The following CACNG2 variants were observed in gnomAD, a reference collection of about 807,000 sequenced individuals.
The protein encoded by CACNG2 is voltage-dependent calcium channel gamma-2 subunit.
In CACNG2, 3 loss-of-function variants were observed where a neutral mutation model predicts 25.9. The ratio of observed to expected loss-of-function variants is 0.12; its 90% CI spans 0.05 to 0.30. The LOEUF (loss-of-function observed/expected upper bound fraction) is 0.30, where lower values mean the gene tolerates loss of function less well. Among genes scored for constraint, CACNG2 ranks in the 10% least tolerant of loss-of-function variants. The pLI is 1.00. For missense variants in CACNG2, 341 were observed against 432.5 expected, an observed-to-expected ratio of 0.79 and a Z score of 1.88; for synonymous variants, 167 against 173.3, an observed-to-expected ratio of 0.96 and a Z score of 0.29.
At chr22:36,630,071 G>T (rs1311215148) in intron 1 of CACNG2, among the ~76,000 whole-genome samples, 1 of 152,144 alleles carries the variant, frequency 6.6e-6, no homozygotes, top group Non-Finnish European at 1.5e-5. Flanking sequence ...GCTTGGTGTC[G>T]ACGAGGACCA....
intron 1 of CACNG2, among the ~76,000 whole-genome samples, chr22:36,612,739 C>G (rs1935963183): frequency 6.6e-6 from 1 of 152,206 alleles, no homozygotes; most frequent in Non-Finnish European, 1.5e-5. Context: ...AACATACCCC[C>G]TCCACCACCT....
At chr22:36,567,768 C>T (rs1935151909) in intron 2 of CACNG2, among the ~76,000 whole-genome samples, 1 of 152,068 alleles carries the variant, frequency 6.6e-6, no homozygotes, top group African/African-American at 2.4e-5. Context: ...GACCTCAGGA[C>T]CCAGCTCCGT....
intron 1 of CACNG2, among the ~76,000 whole-genome samples, chr22:36,631,163 T>C (rs1936264077): frequency 6.6e-6 from 1 of 152,136 alleles, no homozygotes; most frequent in Non-Finnish European, 1.5e-5. Context: ...AGATGCAGGA[T>C]GCAGCAACTC....
At chr22:36,573,562 C>A (rs111998524) in intron 2 of CACNG2, among the ~76,000 whole-genome samples, 44 of 152,282 alleles carry the variant, frequency 2.9e-4, no homozygotes, top group African/African-American at 9.6e-4. Flanking sequence ...GAACTTCTGG[C>A]CTCAAATGAT....
intron 1 of CACNG2, among the ~76,000 whole-genome samples, chr22:36,647,130 C>G (rs1936536788): frequency 6.6e-6 from 1 of 152,168 alleles, no homozygotes; most frequent in Non-Finnish European, 1.5e-5. Flanking sequence ...CTGTCCTACT[C>G]ATTTACTTTG....
intron 1 of CACNG2, among the ~76,000 whole-genome samples, chr22:36,588,871 C>T (rs16997001): frequency 0.046 from 7,057 of 152,108 alleles, 381 homozygotes; most frequent in African/African-American, 0.13. Flanking sequence ...GCCCTCAATA[C>T]ATGTTGGCAA....
intron 2 of CACNG2, among the ~76,000 whole-genome samples, chr22:36,586,698 C>A (rs1935509007): frequency 6.6e-6 from 1 of 150,872 alleles, no homozygotes; most frequent in South Asian, 2.1e-4. Flanking sequence ...GGGAGGAGAG[C>A]AAACCTCCTT....
chr22:36,653,828 C>T (rs1290646499), intron 1 of CACNG2, among the ~76,000 whole-genome samples: 1 of 151,920 alleles, frequency 6.6e-6, no homozygotes, highest in Non-Finnish European at 1.5e-5. Flanking sequence ...CAGACCCTTT[C>T]TTGGAGGTTC....
At chr22:36,593,948 A>G (rs1019903632) in intron 1 of CACNG2, among the ~76,000 whole-genome samples, 5 of 152,150 alleles carry the variant, frequency 3.3e-5, no homozygotes, top group African/African-American at 1.2e-4. Flanking sequence ...TAGGACATCT[A>G]CGTCAACAGA....
In CACNG2 at chr22:36,648,476, C is replaced by T. The variant is rs533893971; in HGVS notation, c.211+53890G>A. Among the ~76,000 whole-genome samples the T allele has an allele frequency of 1.6e-3, 241 of 152,294 alleles. 2 individuals carry two copies. The highest frequency in any genetic ancestry group is 6.8e-3 in the Middle Eastern group (2 of 294). On this transcript the variant is annotated intron_variant, in intron 1 of 3. Transcript: ENST00000300105. ...CGGCATTTCTAGCTTGTCTTGCCCT[C>T]TGGCCGTCAGTTCTCCTATTCCAGC...
intron 1 of CACNG2, among the ~76,000 whole-genome samples, chr22:36,647,609 C>T (rs1185298111): frequency 6.8e-6 from 1 of 147,870 alleles, no homozygotes; most frequent in Non-Finnish European, 1.5e-5. Flanking sequence ...AAAAAAAATG[C>T]AAATCTGATT....
chr22:36,579,226 A>G (rs1438481292), intron 2 of CACNG2, among the ~76,000 whole-genome samples: 2 of 151,858 alleles, frequency 1.3e-5, no homozygotes, highest in Non-Finnish European at 2.9e-5. Context: ...CCAACATGGT[A>G]AAAACCCGTC....
At chr22:36,581,436 A>T (rs1935417357) in intron 2 of CACNG2, among the ~76,000 whole-genome samples, 2 of 152,164 alleles carry the variant, frequency 1.3e-5, no homozygotes, top group South Asian at 4.1e-4. Context: ...GCTGGACAAC[A>T]TCTTAAGCTT....
At chr22:36,623,169 C>T (rs1351430616) in intron 1 of CACNG2, among the ~76,000 whole-genome samples, 1 of 151,256 alleles carries the variant, frequency 6.6e-6, no homozygotes, top group African/African-American at 2.4e-5. Context: ...TACAGGCATG[C>T]ACCTCCATGT....
chr22:36,685,657 G>A (rs898134725), intron 1 of CACNG2, among the ~76,000 whole-genome samples: 7 of 152,152 alleles, frequency 4.6e-5, no homozygotes, highest in Non-Finnish European at 8.8e-5. Flanking sequence ...AGATCTTTCC[G>A]GCCTGGTTCT....
At chr22:36,578,996 G>T (rs531814924) in intron 2 of CACNG2, among the ~76,000 whole-genome samples, 1 of 152,234 alleles carries the variant, frequency 6.6e-6, no homozygotes, top group Admixed American at 6.5e-5. Context: ...CAGCAGCCTC[G>T]TCCTACATTC....
intron 1 of CACNG2, among the ~76,000 whole-genome samples, chr22:36,619,215 T>C (rs1202151331): frequency 6.6e-6 from 1 of 152,214 alleles, no homozygotes; most frequent in Non-Finnish European, 1.5e-5. Context: ...CTCATTCCAC[T>C]GCACTAGGAT....
intron 1 of CACNG2, among the ~76,000 whole-genome samples, chr22:36,621,199 C>T (rs58301447): frequency 0.049 from 7,480 of 152,232 alleles, 338 homozygotes; most frequent in African/African-American, 0.11. Flanking sequence ...GTCCATAGGT[C>T]GCTTTTTATT....
At chr22:36,650,366 C>T (rs867899710) in intron 1 of CACNG2, among the ~76,000 whole-genome samples, 7 of 152,060 alleles carry the variant, frequency 4.6e-5, no homozygotes, top group South Asian at 2.1e-4. Context: ...GCCTCCTTGC[C>T]ATTCTATTTT....
Sources: gnomAD v4.1 joint callset for allele counts (sites outside exome capture counted in the v4.1 genomes callset) on GRCh38, gnomAD v4.1.1 for gene constraint, MANE v1.5 for transcripts, NCBI Gene and HGNC (gene_info 2026-07-23, HGNC 2026-07-21) for gene names.